GRIA1: variants seen among roughly 807,000 people sequenced by gnomAD.
GRIA1 encodes the protein glutamate receptor 1.
Under a neutral mutation model 99.2 loss-of-function variants are expected in GRIA1, and 31 were observed. The ratio of observed to expected loss-of-function variants is 0.31; its 90% CI spans 0.23 to 0.42. The LOEUF (loss-of-function observed/expected upper bound fraction) is 0.42. GRIA1 is among the 10% of genes least tolerant of loss of function. GRIA1 has a pLI of 1.00. For missense variants in GRIA1, 782 were observed against 1,157.5 expected (o/e 0.68, Z 4.71); for synonymous variants, 438 against 432.4 (o/e 1.01, Z -0.16).
chr5:153,724,294 G>GA (rs545221023), intron 11 of GRIA1, among the ~76,000 whole-genome samples: 78,217 of 150,376 alleles, frequency 0.52, 21,211 homozygotes, highest in East Asian at 0.94. Flanking sequence ...CAAAGATGGG[G>GA]AAAAAAACAG....
At chr5:153,780,418 T>G (rs1282458143) in intron 13 of GRIA1, among the ~76,000 whole-genome samples, 1 of 152,248 alleles carries the variant, frequency 6.6e-6, no homozygotes, top group African/African-American at 2.4e-5. Context: ...ATCCCAGGTC[T>G]GCTAGTTAAT....
intron 13 of GRIA1, among the ~76,000 whole-genome samples, chr5:153,781,478 G>A (rs1764624289): frequency 6.6e-6 from 1 of 152,032 alleles, no homozygotes; most frequent in African/African-American, 2.4e-5. Context: ...CATATTTCCA[G>A]GTCAACGAAG....
At chr5:153,750,114 T>C (rs1267851848) in intron 11 of GRIA1, among the ~76,000 whole-genome samples, 1 of 152,136 alleles carries the variant, frequency 6.6e-6, no homozygotes, top group Non-Finnish European at 1.5e-5. Context: ...AATGGGATGA[T>C]TTGCCACTCA....
chr5:153,802,483 G>T lies in GRIA1; in HGVS notation c.2513G>T (p.Arg838Leu). ...TACAAATCCCGTAGTGAATCCAAGC[G>T]GATGAAGGTGGCATCGTCTTCCCGG... Reference protein sequence around the residue: ...FCYKSRSESKRMKGFCLIPQQ... With the variant: ...FCYKSRSESKLMKGFCLIPQQ... The change falls in exon 15 of 16, where the codon CGG becomes CTG. Residue 838 changes from arginine to leucine, a missense_variant. By Grantham distance (102) the Arg-to-Leu change is moderately radical. This residue lies in a region of GRIA1 where 119 missense variants were observed against 326.6 expected (regional missense o/e 0.36). Coordinates refer to ENST00000285900, the MANE Select transcript of GRIA1 (RefSeq NM_000827.4). 6.2e-7 allele frequency: 1 copy of T among 1,613,930 alleles called. No individual in the cohort carries two copies. The highest frequency in any genetic ancestry group is 8.5e-7 in the Non-Finnish European group (1 of 1,179,932).
chr5:153,591,268 A>ATTT (rs1215237417), intron 2 of GRIA1, among the ~76,000 whole-genome samples: 1 of 152,208 alleles, frequency 6.6e-6, no homozygotes, highest in African/African-American at 2.4e-5. Flanking sequence ...CATGAAAATT[A>ATTT]TGAGTGTAAT....
rs1221776834 is a variant in GRIA1 at position 153,562,693 on chromosome 5, AAGTGAGTG to A, written c.220+68638_220+68645del. 7.9e-5 allele frequency among the ~76,000 whole-genome samples: 12 copies of A among 152,294 alleles called. No individual in the cohort carries two copies. In the East Asian group the frequency reaches 2.1e-3, roughly 27 times the overall value. On this transcript the variant is annotated intron_variant, in intron 2 of 15. Transcript: ENST00000285900. ...ATATCCAACAAGTGAATGAGTGAGTAAGTGAGTGAGTGAGTGAATGATTGAATCTCCAC... is the reference window on the plus strand; with the variant it reads ...ATATCCAACAAGTGAATGAGTGAGTAAGTGAGTGAATGATTGAATCTCCAC...
chr5:153,538,056 T>C (rs926657234), intron 2 of GRIA1, among the ~76,000 whole-genome samples: 4 of 152,160 alleles, frequency 2.6e-5, no homozygotes, highest in Non-Finnish European at 5.9e-5. Flanking sequence ...GACTGATTTG[T>C]TCTAATCATC....
At position 153,811,496 on chromosome 5, in the gene GRIA1, A is replaced by C. The variant is rs1047406581; in HGVS notation, c.*271A>C. ...CAATAAGGGGAGAGTAACCCTGTCT[A>C]ATGAAACCTGTGTCTCTGAGAGTAG... is the stretch of plus-strand genomic sequence containing the variant. On this transcript the variant is annotated 3_prime_UTR_variant, in exon 16 of 16. Coordinates refer to ENST00000285900, the MANE Select transcript of GRIA1 (RefSeq NM_000827.4). 1.5e-5 allele frequency: 6 copies of C among 397,968 alleles called. No homozygotes were observed. Among genetic ancestry groups the C allele is most frequent in the Non-Finnish European group, 2.4e-5 (5 of 212,474 alleles). 24.7% of individuals were successfully genotyped at this position (397,968 alleles called of 1,614,324 possible). A position where few individuals can be genotyped will look rare whatever the true frequency, so the allele number is the denominator to read the frequency against.
chr5:153,610,747 G>A (rs974274093), intron 2 of GRIA1, among the ~76,000 whole-genome samples: 1 of 152,140 alleles, frequency 6.6e-6, no homozygotes, highest in Non-Finnish European at 1.5e-5. Flanking sequence ...TTATCTCCAA[G>A]GGTTTTTGTG....
At chr5:153,601,750 A>G (rs1251048975) in intron 2 of GRIA1, among the ~76,000 whole-genome samples, 2 of 152,340 alleles carry the variant, frequency 1.3e-5, no homozygotes, top group African/African-American at 4.8e-5. Flanking sequence ...GGTTCCTTAG[A>G]TGACTGAAGT....
chr5:153,765,265 C>T (rs1408425138), intron 12 of GRIA1, among the ~76,000 whole-genome samples: 1 of 152,182 alleles, frequency 6.6e-6, no homozygotes, highest in Non-Finnish European at 1.5e-5. Context: ...CCATCCCTTA[C>T]TTGTTCTGTA....
At chr5:153,537,801 G>A (rs1581195136) in intron 2 of GRIA1, among the ~76,000 whole-genome samples, 2 of 152,142 alleles carry the variant, frequency 1.3e-5, no homozygotes, top group Non-Finnish European at 1.5e-5. Context: ...CCTTTTATCT[G>A]CAGGTTGATA....
At chr5:153,641,157 C>T (rs190861923) in intron 2 of GRIA1, among the ~76,000 whole-genome samples, 306 of 152,248 alleles carry the variant, frequency 2.0e-3, no homozygotes, top group Middle Eastern at 3.4e-3. Context: ...TTCACACATA[C>T]TTTTGATCTC....
chr5:153,737,917 AC>A (rs988425522), intron 11 of GRIA1, among the ~76,000 whole-genome samples: 5 of 152,110 alleles, frequency 3.3e-5, no homozygotes, highest in Admixed American at 3.3e-4. Context: ...CCCAGGGCCT[AC>A]CCCATTTCTT....
intron 2 of GRIA1, among the ~76,000 whole-genome samples, chr5:153,583,852 C>T (rs148295214): frequency 1.1e-4 from 17 of 152,318 alleles, no homozygotes; most frequent in African/African-American, 3.6e-4. Context: ...CTCAGAGTCA[C>T]TCAGAGTCTC....
intron 15 of GRIA1, among the ~76,000 whole-genome samples, chr5:153,809,847 T>G (rs1401408332): frequency 6.6e-6 from 1 of 152,134 alleles, no homozygotes; most frequent in Non-Finnish European, 1.5e-5. Context: ...AGCAGGCTGG[T>G]GTAGTCTAGG....
intron 2 of GRIA1, among the ~76,000 whole-genome samples, chr5:153,579,223 C>T (rs17519418): frequency 0.11 from 16,095 of 152,142 alleles, 952 homozygotes; most frequent in South Asian, 0.25. Flanking sequence ...GGTAAGATAA[C>T]TGGCCATAAA....
intron 12 of GRIA1, among the ~76,000 whole-genome samples, chr5:153,769,773 A>G (rs898662290): frequency 2.0e-5 from 3 of 152,034 alleles, no homozygotes; most frequent in Non-Finnish European, 2.9e-5. Flanking sequence ...TCTTCCAATA[A>G]TGAAATCAGA....
intron 2 of GRIA1, among the ~76,000 whole-genome samples, chr5:153,571,510 C>T (rs1247711814): frequency 3.3e-5 from 5 of 152,116 alleles, no homozygotes; most frequent in Admixed American, 2.6e-4. Context: ...TTTCATGTGT[C>T]ACTAAGTAAT....
Sources: allele counts gnomAD v4.1 joint callset (sites outside exome capture counted in the v4.1 genomes callset), GRCh38; gene constraint gnomAD v4.1.1; regional missense constraint gnomAD v4.1.1; transcripts MANE v1.5; gene names NCBI Gene and HGNC (gene_info 2026-07-23, HGNC 2026-07-21).